The following BCORL1 variants were observed in gnomAD, a reference collection of about 807,000 sequenced individuals.
BCORL1 encodes the protein BCL-6 corepressor-like protein 1.
Under a neutral mutation model 87.6 loss-of-function variants are expected in BCORL1, and 7 were observed. The observed-to-expected ratio is 0.08, with a 90% CI of 0.05 to 0.15. The LOEUF (loss-of-function observed/expected upper bound fraction) is 0.15. Among genes scored for constraint, BCORL1 ranks in the 10% least tolerant of loss-of-function variants. BCORL1 has a pLI of 1.00. For missense variants in BCORL1, 1,215 were observed against 1,499.7 expected (o/e 0.81, Z 3.13); for synonymous variants, 591 against 634.4 (o/e 0.93, Z 1.03).
In BCORL1 at chrX:130,014,561, A is replaced by G; in HGVS notation, c.1789A>G (p.Thr597Ala). 1 of 1,211,217 alleles carries G rather than the reference A, an allele frequency of 8.3e-7. No homozygotes were observed. Among genetic ancestry groups the G allele is most frequent in the Non-Finnish European group, 1.1e-6 (1 of 895,190 alleles). ...TEQQTEGTSV[T>A]FSPLKSPPQL... The stretch of plus-strand genomic sequence containing the variant: ...GCAGCAAACAGAAGGGACTTCCGTT[A>G]CCTTCTCTCCTCTTAAGTCACCGCC... Residue 597 changes from threonine (T) to alanine (A), a missense_variant, in exon 4 of 14, where the codon ACC becomes GCC. Coordinates refer to ENST00000540052, the MANE Select transcript of BCORL1 (RefSeq NM_001379451.1).
chrX:130,000,887 G>A (rs1927984980), intron 1 of BCORL1, among the ~76,000 whole-genome samples: 1 of 101,507 alleles, frequency 9.9e-6, no homozygotes. Flanking sequence ...AGCAAACATG[G>A]TGGATGCTTT....
rs149126684 is a variant in BCORL1, at chrX:130,014,054, C to G, written c.1282C>G (p.Pro428Ala). ...AGTGTGCTTTCCTGCAGCTCAGGCA[C>G]CAGCTATGCAAAAAGTCCCCCTGTC... is the stretch of plus-strand genomic sequence containing the variant. ...SRVCFPAAQA[P>A]AMQKVPLSFQ... The change falls in exon 4 of 14, where the codon CCA (proline) becomes GCA (alanine). Residue 428 changes from proline to alanine, a missense_variant. By Grantham distance (27) the Pro-to-Ala change is conservative. Around this residue, in one of 5 missense-constraint regions of BCORL1, gnomAD observed 861 missense variants for 1,010.0 expected, o/e 0.85. Transcript: ENST00000540052. The G allele has an allele frequency of 1.7e-6, 2 of 1,206,136 alleles. No individual in the cohort carries two copies. The highest frequency in any genetic ancestry group is 2.2e-6 in the Non-Finnish European group (2 of 892,858).
chrX:130,010,194 C>G (rs1347720166), intron 2 of BCORL1, among the ~76,000 whole-genome samples: 1 of 111,342 alleles, frequency 9.0e-6, no homozygotes, highest in African/African-American at 3.3e-5. Flanking sequence ...GCAGCCCACT[C>G]CCTTTTGTAT....
intron 11 of BCORL1, among the ~76,000 whole-genome samples, chrX:130,047,786 G>T (rs780104418): frequency 1.8e-5 from 2 of 111,555 alleles, no homozygotes; most frequent in Admixed American, 1.9e-4. Flanking sequence ...CTCTTACTAT[G>T]TGCCAGGCAC....
chrX:130,020,881 C>A, intron 4 of BCORL1, 104 bp from the exon 5 acceptor site: 1 of 919,227 alleles, frequency 1.1e-6, no homozygotes, highest in South Asian at 3.2e-5. Context: ...CCACTCTGGG[C>A]AGCTCATGCC....
At position 130,044,000 on chromosome X, in the gene BCORL1, T is replaced by C. The variant is rs184880032; in HGVS notation, c.4840+4718T>C. ...GTTAGCCAGGATGGTCTCGATCTCC[T>C]GGCCTCGTGATCCGCTCGCCTCGGC... is the stretch of plus-strand genomic sequence containing the variant. On this transcript the variant is annotated intron_variant, in intron 11 of 13. Transcript: ENST00000540052. Among the ~76,000 whole-genome samples, 5 of 105,060 alleles carry C rather than the reference T, an allele frequency of 4.8e-5. 1 individual carries two copies. In the Admixed American group the frequency reaches 5.2e-4, roughly 11 times the overall value. The allele number at this position is 105,060 out of a possible 115,157, so 91.2% of individuals were successfully genotyped here.
intron 8 of BCORL1, among the ~76,000 whole-genome samples, chrX:130,033,489 G>T (rs1288744645): frequency 1.8e-5 from 2 of 112,516 alleles, no homozygotes; most frequent in African/African-American, 6.5e-5. Flanking sequence ...GAGAGGGAGG[G>T]CCTTGCCCCA....
intron 5 of BCORL1, among the ~76,000 whole-genome samples, chrX:130,022,472 T>A (rs1332981349): frequency 9.1e-6 from 1 of 109,369 alleles, no homozygotes; most frequent in Non-Finnish European, 1.9e-5. Flanking sequence ...GGGCTCGATC[T>A]CCTGACCTCA....
chrX:130,014,650 C>T lies in BCORL1; in HGVS notation c.1878C>T (p.Ser626=), dbSNP rs927551616. The change falls in exon 4 of 14, where the codon TCC becomes TCT. Residue 626 remains serine (S), a synonymous_variant. Transcript: ENST00000540052. ...ECSEMPLDLS[S]KSNRQKLPLP... ...GCGAGATGCCCCTTGATCTGTCCTC[C>T]AAGTCCAACCGCCAGAAGCTTCCAT... 3 of 1,209,365 alleles carry T rather than the reference C, an allele frequency of 2.5e-6. No homozygotes were observed. In the African/African-American group the frequency reaches 5.3e-5, roughly 21 times the overall value.
At position 129,995,770 on chromosome X, in the gene BCORL1, T is replaced by C. The variant is rs60425865; in HGVS notation, c.-44-9418T>C. Among the ~76,000 whole-genome samples, 838 of 111,681 alleles carry C rather than the reference T, an allele frequency of 7.5e-3. 8 individuals are homozygous for C. Among genetic ancestry groups the C allele is most frequent in the African/African-American group, 0.025 (767 of 30,723 alleles). On this transcript the variant is annotated intron_variant, in intron 1 of 13. Coordinates refer to ENST00000540052, the MANE Select transcript of BCORL1 (RefSeq NM_001379451.1). The stretch of plus-strand genomic sequence containing the variant: ...GGTTTAAATTGGGGTAACTTCCTCA[T>C]TGGGGGCAGGGGTTGTGGTATGTAA...
At chrX:129,995,159 C>T (rs1445608999) in intron 1 of BCORL1, among the ~76,000 whole-genome samples, 2 of 110,345 alleles carry the variant, frequency 1.8e-5, no homozygotes, top group Non-Finnish European at 3.8e-5. Context: ...GTGCCCACCA[C>T]TAGGCCTGAC....
intron 8 of BCORL1, among the ~76,000 whole-genome samples, chrX:130,029,087 C>G (rs985900841): frequency 8.9e-6 from 1 of 111,861 alleles, no homozygotes; most frequent in Non-Finnish European, 1.9e-5. Flanking sequence ...TTTAGATTTT[C>G]TTTGAGTTAA....
At position 130,022,970 on chromosome X, in the gene BCORL1, T is replaced by C. The variant is rs182915654; in HGVS notation, c.3681T>C (p.Ser1227=). 4.4e-5 allele frequency: 53 copies of C among 1,203,405 alleles called. No individual in the cohort carries two copies. In the Admixed American group the frequency reaches 7.0e-4, roughly 16 times the overall value. ...IPVVLSTRTR[S]QSGSICSSFA... ...TGGTTCTGAGCACCCGCACGCGCAG[T>C]CAGTCTGGTGAGTGAGACTAAGGTG... The change falls in exon 6 of 14, where the codon AGT becomes AGC. Residue 1227 remains serine (S), a synonymous_variant. Transcript: ENST00000540052.
At chrX:129,998,263 C>T (rs1216639993) in intron 1 of BCORL1, among the ~76,000 whole-genome samples, 1 of 109,901 alleles carries the variant, frequency 9.1e-6, no homozygotes, top group South Asian at 3.9e-4. Flanking sequence ...GCCTGTGCTT[C>T]CTGGGTCATT....
chrX:130,004,553 TA>T (rs1358825692), intron 1 of BCORL1, among the ~76,000 whole-genome samples: 5 of 111,970 alleles, frequency 4.5e-5, no homozygotes, highest in Non-Finnish European at 9.4e-5. Context: ...CCGAAACACG[TA>T]GTTCTGGATG....
chrX:130,008,264 AT>A (rs372463348), intron 2 of BCORL1, among the ~76,000 whole-genome samples: 373 of 94,022 alleles, frequency 4.0e-3, no homozygotes, highest in Middle Eastern at 0.011. Flanking sequence ...TTAAGAGGAC[AT>A]TTTTTTTTTT....
intron 11 of BCORL1, among the ~76,000 whole-genome samples, chrX:130,045,317 A>ATGTCCT (rs1931679520): frequency 8.9e-5 from 10 of 112,524 alleles, no homozygotes; most frequent in Admixed American, 6.6e-4. Context: ...CAGAGGAAGT[A>ATGTCCT]TCAGGACACT....
Position 130,008,589 on chromosome X carries a change from T to C in BCORL1, c.86+3272T>C, listed in dbSNP as rs535495989. Reference sequence around the variant, plus strand: ...AAGATGACCTTTTAAGTGTTGTCACTTTTGATCTCATCCACCCTTTATTGT... The same window carrying C: ...AAGATGACCTTTTAAGTGTTGTCACCTTTGATCTCATCCACCCTTTATTGT... On this transcript the variant is annotated intron_variant, in intron 2 of 13. Transcript: ENST00000540052. Among the ~76,000 whole-genome samples the C allele has an allele frequency of 6.2e-5, 7 of 112,076 alleles. No individual in the cohort carries two copies. In the South Asian group the frequency reaches 2.6e-3, roughly 41 times the overall value.
chrX:130,015,287 G>A lies in BCORL1; in HGVS notation c.2515G>A (p.Ala839Thr), dbSNP rs781411863. The change falls in exon 4 of 14, where the codon GCG becomes ACG. Residue 839 changes from alanine (A) to threonine (T), a missense_variant. By Grantham distance (58) the Ala-to-Thr change is moderately conservative. This residue lies in a region of BCORL1 where 861 missense variants were observed against 1,010.0 expected (regional missense o/e 0.85). Coordinates refer to ENST00000540052, the MANE Select transcript of BCORL1 (RefSeq NM_001379451.1). ...TGTTGGCTGGTCCCCGTACCACCAG[G>A]CGTCTCTGCTTTCCATTGGCATTTC... Reference protein sequence around the residue: ...LPVGWSPYHQASLLSIGISSA... With the variant: ...LPVGWSPYHQTSLLSIGISSA... 1.7e-6 allele frequency: 2 copies of A among 1,211,773 alleles called. No individual in the cohort carries two copies. Among genetic ancestry groups the A allele is most frequent in the Non-Finnish European group, 2.2e-6 (2 of 895,585 alleles).
Sources: gnomAD v4.1 joint callset for allele counts (sites outside exome capture counted in the v4.1 genomes callset) on GRCh38, gnomAD v4.1.1 for gene constraint, gnomAD v4.1.1 regional missense constraint, MANE v1.5 for transcripts, NCBI Gene and HGNC (gene_info 2026-07-23, HGNC 2026-07-21) for gene names.